CMC1: variants seen among roughly 807,000 people sequenced by gnomAD.
The protein encoded by CMC1 is COX assembly mitochondrial protein homolog.
In CMC1, 14 loss-of-function variants were observed where a neutral mutation model predicts 14.1. The ratio of observed to expected loss-of-function variants is 0.99; its 90% CI spans 0.66 to 1.55. The LOEUF (loss-of-function observed/expected upper bound fraction) is 1.55, where lower values mean the gene tolerates loss of function less well. Among genes scored for constraint, CMC1 ranks in the 40% most tolerant of loss-of-function variants. The pLI is 0.00. For missense variants in CMC1, 127 were observed against 123.8 expected (o/e 1.03, Z -0.12); for synonymous variants, 50 against 38.4 (o/e 1.30, Z -1.12).
At chr3:28,283,745 C>T (rs933923883) in intron 2 of CMC1, among the ~76,000 whole-genome samples, 9 of 152,114 alleles carry the variant, frequency 5.9e-5, no homozygotes, top group African/African-American at 1.2e-4. Context: ...TTTATTGACT[C>T]AGTAGGAACA....
At chr3:28,288,670 CAAAA>C (rs1277682367) in intron 2 of CMC1, among the ~76,000 whole-genome samples, 1 of 151,636 alleles carries the variant, frequency 6.6e-6, no homozygotes, top group Non-Finnish European at 1.5e-5. Flanking sequence ...AGAGGAAAAA[CAAAA>C]AAGAAAGCTT....
intron 1 of CMC1, among the ~76,000 whole-genome samples, chr3:28,249,058 G>A (rs1328722686): frequency 6.6e-6 from 1 of 152,188 alleles, no homozygotes; most frequent in African/African-American, 2.4e-5. Context: ...CCAAAGTGCT[G>A]GGATTACAGG....
At chr3:28,311,939 C>G (rs1285171067) in intron 2 of CMC1, among the ~76,000 whole-genome samples, 6 of 152,132 alleles carry the variant, frequency 3.9e-5, no homozygotes, top group Non-Finnish European at 8.8e-5. Context: ...TAAAGTACCT[C>G]TCTGCTTTTA....
intron 2 of CMC1, chr3:28,298,076 A>G (rs1559434220): frequency 6.6e-6 from 1 of 151,794 alleles, no homozygotes; most frequent in Non-Finnish European, 1.5e-5. Context: ...TTAACATGCA[A>G]ATGGCTCAGC....
chr3:28,241,990 T>C (rs1369140614), intron 1 of CMC1, 178 bp downstream of exon 1: 3 of 521,276 alleles, frequency 5.8e-6, no homozygotes, highest in Admixed American at 4.4e-5. Context: ...TTCTCACTTG[T>C]TGGGGATTAT....
At chr3:28,246,786 T>TG (rs1451828137) in intron 1 of CMC1, among the ~76,000 whole-genome samples, 1 of 151,520 alleles carries the variant, frequency 6.6e-6, no homozygotes, top group African/African-American at 2.4e-5. Context: ...CTCTTTGATT[T>TG]GGGGTCCATT....
At chr3:28,303,727 T>G (rs1275429498) in intron 2 of CMC1, among the ~76,000 whole-genome samples, 1 of 152,162 alleles carries the variant, frequency 6.6e-6, no homozygotes, top group African/African-American at 2.4e-5. Context: ...TTCAATTAAT[T>G]CACTTATTCA....
intron 2 of CMC1, among the ~76,000 whole-genome samples, chr3:28,287,708 C>T (rs757724540): frequency 2.0e-5 from 3 of 151,190 alleles, no homozygotes; most frequent in African/African-American, 4.9e-5. Context: ...TTATTTTTAC[C>T]GTTATATTGA....
intron 2 of CMC1, among the ~76,000 whole-genome samples, chr3:28,290,773 A>G (rs548579743): frequency 6.6e-6 from 1 of 152,256 alleles, no homozygotes; most frequent in East Asian, 1.9e-4. Context: ...AACGAGGATT[A>G]ACATTTGATG....
chr3:28,294,972 CATT>C (rs1701665184), intron 2 of CMC1, among the ~76,000 whole-genome samples: 1 of 134,894 alleles, frequency 7.4e-6, no homozygotes, highest in Non-Finnish European at 1.7e-5. Flanking sequence ...CAGTGCTGAT[CATT>C]ATTGTTATTT....
intron 2 of CMC1, among the ~76,000 whole-genome samples, chr3:28,281,735 A>G (rs1016787679): frequency 2.6e-5 from 4 of 152,224 alleles, no homozygotes; most frequent in Non-Finnish European, 5.9e-5. Context: ...AAGCCAGTGA[A>G]TTCTGATATA....
chr3:28,295,144 A>T (rs1037998074), intron 2 of CMC1, among the ~76,000 whole-genome samples: 1 of 152,078 alleles, frequency 6.6e-6, no homozygotes, highest in African/African-American at 2.4e-5. Flanking sequence ...AGCCATTTTT[A>T]ATGTATGTCT....
chr3:28,255,275 C>T (rs759790792), intron 1 of CMC1, among the ~76,000 whole-genome samples: 1 of 144,336 alleles, frequency 6.9e-6, no homozygotes, highest in East Asian at 2.0e-4. Flanking sequence ...GAGTCTCGCT[C>T]TGTCTCCTAG....
At chr3:28,255,360 C>G (rs1180754295) in intron 1 of CMC1, among the ~76,000 whole-genome samples, 3 of 151,604 alleles carry the variant, frequency 2.0e-5, no homozygotes, top group Non-Finnish European at 4.4e-5. Flanking sequence ...CTTGCCTTAG[C>G]CTCCTGAGAA....
chr3:28,268,178 A>G (rs66716911), intron 2 of CMC1, among the ~76,000 whole-genome samples: 30,309 of 152,196 alleles, frequency 0.2, 3,342 homozygotes, highest in Middle Eastern at 0.28. Flanking sequence ...TGGGTTCCCA[A>G]TCACCATTGG....
At position 28,261,176 on chromosome 3, in the gene CMC1, G is replaced by GT. The variant is rs377671062; in HGVS notation, c.20-2104dup. 3.5e-3 allele frequency among the ~76,000 whole-genome samples: 513 copies of GT among 147,358 alleles called. 1 individual carries two copies. Among genetic ancestry groups the GT allele is most frequent in the Non-Finnish European group, 5.1e-3 (339 of 66,290 alleles). On this transcript the variant is annotated intron_variant, in intron 1 of 3. Transcript: ENST00000466830. ...TTTACATTTGTATATCATGCGTTCA[G>GT]TTTTTTTTTTTCTATCAGAGCATAT...
intron 2 of CMC1, chr3:28,298,196 A>T (rs1701842322): frequency 6.6e-6 from 1 of 151,122 alleles, no homozygotes; most frequent in Non-Finnish European, 1.5e-5. Flanking sequence ...TTTGATTTTT[A>T]TGCCCTTAAT....
intron 2 of CMC1, among the ~76,000 whole-genome samples, chr3:28,297,615 C>T (rs1270075626): frequency 6.6e-6 from 1 of 152,058 alleles, no homozygotes; most frequent in African/African-American, 2.4e-5. Flanking sequence ...AGACCATCAG[C>T]CTTCAGCTGG....
chr3:28,241,852 C>A (rs1385290665), intron 1 of CMC1, 40 bp downstream of exon 1: 2 of 1,235,534 alleles, frequency 1.6e-6, no homozygotes, highest in South Asian at 4.1e-5. Context: ...GGGGCCTCGC[C>A]CCGGGTCTCA....
Sources: allele counts gnomAD v4.1 joint callset (sites outside exome capture counted in the v4.1 genomes callset), GRCh38; gene constraint gnomAD v4.1.1; transcripts MANE v1.5; gene names NCBI Gene and HGNC (gene_info 2026-07-23, HGNC 2026-07-21).